The following PRSS3 variants were observed in gnomAD, a reference collection of about 807,000 sequenced individuals.
The protein encoded by PRSS3 is serine protease 3, also known as trypsin-3.
PRSS3 carries 14 observed loss-of-function variants against 20.8 expected under a neutral mutation model. That is an observed-to-expected ratio of 0.67 (90% confidence interval 0.44 to 1.05). The LOEUF (loss-of-function observed/expected upper bound fraction) is 1.05, where lower values mean the gene tolerates loss of function less well. PRSS3 is among the 50% of genes least tolerant of loss of function. The pLI, the probability that PRSS3 is intolerant of heterozygous loss-of-function variation, is 0.00. For synonymous variants in PRSS3, 91 were observed against 117.6 expected (o/e 0.77, Z 1.46); for missense variants, 237 against 306.4 (o/e 0.77, Z 1.69).
In PRSS3 at chr9:33,798,552, C is replaced by T. The variant is rs759542714; in HGVS notation, c.521C>T (p.Ser174Phe). 1.2e-6 allele frequency: 2 copies of T among 1,614,164 alleles called. No homozygotes were observed. Among genetic ancestry groups the T allele is most frequent in the Non-Finnish European group, 1.7e-6 (2 of 1,180,034 alleles). ...CTGACCCAGGCTGAGTGTAAAGCCT[C>T]CTACCCTGGAAAGATTACCAACAGC... ...PVLTQAECKASYPGKITNSMF... is the reference protein window; with the variant it reads ...PVLTQAECKAFYPGKITNSMF... Residue 174 changes from serine to phenylalanine, a missense_variant, in exon 4 of 5, where the codon TCC (serine) becomes TTC (phenylalanine). Coordinates refer to ENST00000379405, the MANE Select transcript of PRSS3 (RefSeq NM_002771.4).
chr9:33,794,963 C>A, upstream of PRSS3: 3 of 1,501,816 alleles, frequency 2.0e-6, no homozygotes, highest in Non-Finnish European at 2.7e-6. Context: ...ATCTGGAAGC[C>A]CAGAATCCTA....
chr9:33,795,482 T>C, upstream of PRSS3: 1 of 1,522,046 alleles, frequency 6.6e-7, no homozygotes, highest in East Asian at 2.3e-5. Flanking sequence ...TGGGAAGAAC[T>C]GTGACCCTCA....
chr9:33,760,759 A>AG (rs1483063549), intron 1 of PRSS3, among the ~76,000 whole-genome samples: 23 of 151,738 alleles, frequency 1.5e-4, no homozygotes, highest in African/African-American at 5.3e-4. Flanking sequence ...AAAAAAAAAA[A>AG]AAAAAAATTA....
chr9:33,752,016 G>T (rs762743833), intron 1 of PRSS3, among the ~76,000 whole-genome samples: 1 of 152,166 alleles, frequency 6.6e-6, no homozygotes, highest in Non-Finnish European at 1.5e-5. Context: ...ATAAGCAAAA[G>T]GTGAGGCATG....
At chr9:33,793,370 AAAC>A (rs1824727117), upstream of PRSS3, among the ~76,000 whole-genome samples, 1 of 152,344 alleles carries the variant, frequency 6.6e-6, no homozygotes, top group Non-Finnish European at 1.5e-5. Context: ...GGACAAAATG[AAAC>A]AACATGTTTA....
At chr9:33,775,130 C>T (rs575928555) in intron 1 of PRSS3, among the ~76,000 whole-genome samples, 1 of 151,464 alleles carries the variant, frequency 6.6e-6, no homozygotes, top group Admixed American at 6.6e-5. Context: ...CAAAACCAAC[C>T]ATTTCAGGAA....
At chr9:33,778,412 A>C (rs1824034448) in intron 1 of PRSS3, among the ~76,000 whole-genome samples, 1 of 152,128 alleles carries the variant, frequency 6.6e-6, no homozygotes, top group Non-Finnish European at 1.5e-5. Context: ...GATAAGGAAA[A>C]CCTTTTTCAG....
upstream of PRSS3, among the ~76,000 whole-genome samples, chr9:33,791,628 G>T (rs1824634110): frequency 6.6e-6 from 1 of 152,176 alleles, no homozygotes; most frequent in South Asian, 2.1e-4. Flanking sequence ...CCTGCACTCT[G>T]TCCTGGCTTT....
chr9:33,772,456 T>C (rs572034225), intron 1 of PRSS3, among the ~76,000 whole-genome samples: 4 of 152,298 alleles, frequency 2.6e-5, no homozygotes, highest in Admixed American at 6.5e-5. Context: ...TTGTGAGCCA[T>C]TGGACTCAAG....
chr9:33,783,946 C>A, intron 1 of PRSS3, among the ~76,000 whole-genome samples: 1 of 150,434 alleles, frequency 6.6e-6, no homozygotes. Context: ...CTTGAACAAG[C>A]AAGAACTATT....
intron 1 of PRSS3, among the ~76,000 whole-genome samples, chr9:33,754,168 G>T (rs1822832957): frequency 6.6e-6 from 1 of 151,864 alleles, no homozygotes. Context: ...GCTTCCCAGG[G>T]TTCAAGTGAT....
chr9:33,792,220 G>A (rs1824663537), upstream of PRSS3, among the ~76,000 whole-genome samples: 1 of 152,128 alleles, frequency 6.6e-6, no homozygotes, highest in African/African-American at 2.4e-5. Context: ...AGTTTGGCGG[G>A]AAGACAGCCT....
intron 1 of PRSS3, among the ~76,000 whole-genome samples, chr9:33,753,205 CT>C (rs1268937232): frequency 1.8e-4 from 28 of 152,226 alleles, no homozygotes; most frequent in African/African-American, 5.8e-4. Context: ...AATATGTTTT[CT>C]GACTTGAACT....
chr9:33,794,639 C>T, upstream of PRSS3: 1 of 1,350,530 alleles, frequency 7.4e-7, no homozygotes, highest in Non-Finnish European at 9.8e-7. Context: ...AGATGGTAAC[C>T]CAGATTTACC....
chr9:33,777,531 CAAAAAAAA>C (rs74180503), intron 1 of PRSS3, among the ~76,000 whole-genome samples: 9 of 101,874 alleles, frequency 8.8e-5, no homozygotes, highest in Admixed American at 2.3e-4. Flanking sequence ...CTAAAAATAC[CAAAAAAAA>C]AAAAAAAAAA....
At chr9:33,761,233 T>C (rs1288498908) in intron 1 of PRSS3, among the ~76,000 whole-genome samples, 1 of 152,256 alleles carries the variant, frequency 6.6e-6, no homozygotes, top group Non-Finnish European at 1.5e-5. Flanking sequence ...ATGCGGTGTA[T>C]ACTGTCAGTA....
At chr9:33,763,482 G>A (rs1457330994) in intron 1 of PRSS3, among the ~76,000 whole-genome samples, 5 of 152,014 alleles carry the variant, frequency 3.3e-5, no homozygotes, top group Admixed American at 6.6e-5. Context: ...GGCGGATCAC[G>A]AGGTCAGGAG....
rs533932910 is a variant in PRSS3 at position 33,785,419 on chromosome 9, C to T, written c.-52-9327C>T. Among the ~76,000 whole-genome samples the T allele has an allele frequency of 1.5e-4, 22 of 151,714 alleles. No homozygotes were observed. The East Asian group carries it at 3.3e-3, about 23-fold the overall frequency. ...GTCTCGATCTCCTGACCTCGTGATCCGCCCGCCTCGGCCTCCCAAAGTGCT... is the reference window on the plus strand; with the variant it reads ...GTCTCGATCTCCTGACCTCGTGATCTGCCCGCCTCGGCCTCCCAAAGTGCT... On this transcript the variant is annotated intron_variant, in intron 1 of 5. Transcript: ENST00000342836.
Position 33,786,382 on chromosome 9 carries a change from C to A in PRSS3, c.-52-8364C>A, listed in dbSNP as rs368171143. ...AAGGGGATATGTTAGATTAAAGGACCATAACAGAGTAATTGTCGGCACAAT... is the reference window on the plus strand; with the variant it reads ...AAGGGGATATGTTAGATTAAAGGACAATAACAGAGTAATTGTCGGCACAAT... On this transcript the variant is annotated intron_variant, in intron 1 of 5. Transcript: ENST00000342836. The A allele has an allele frequency of 1.1e-4, 72 of 643,540 alleles. 2 individuals carry two copies. In the South Asian group the frequency reaches 1.3e-3, roughly 11 times the overall value. The allele number at this position is 643,540 out of a possible 1,614,324, so 39.9% of individuals were successfully genotyped here. A position where few individuals can be genotyped will look rare whatever the true frequency, so the allele number is the denominator to read the frequency against.
Sources: gnomAD v4.1 joint callset for allele counts (sites outside exome capture counted in the v4.1 genomes callset) on GRCh38, gnomAD v4.1.1 for gene constraint, MANE v1.5 for transcripts, NCBI Gene and HGNC (gene_info 2026-07-23, HGNC 2026-07-21) for gene names.